NCOA2: variants seen among roughly 807,000 people sequenced by gnomAD.
NCOA2 encodes the protein nuclear receptor coactivator 2.
A neutral mutation model predicts 145.1 loss-of-function variants in NCOA2; 21 were observed. That is an observed-to-expected ratio of 0.14 (90% confidence interval 0.10 to 0.21). The LOEUF is 0.21. Ranked by LOEUF, NCOA2 falls within the 10% of genes least tolerant of loss-of-function variation. The probability of loss-of-function intolerance (pLI) is 1.00; values close to 1 mark genes in which losing one functional copy is unlikely to be tolerated. For missense variants in NCOA2, 1,472 were observed against 1,837.6 expected (o/e 0.80, Z 3.64); for synonymous variants, 619 against 637.5 (o/e 0.97, Z 0.44).
At chr8:70,168,143 T>C (rs1563559676) in intron 6 of NCOA2, among the ~76,000 whole-genome samples, 1 of 152,030 alleles carries the variant, frequency 6.6e-6, no homozygotes, top group Non-Finnish European at 1.5e-5. Context: ...GGCCCATGAA[T>C]GGCCCAGTGA....
At chr8:70,277,822 T>C (rs1306202023) in intron 2 of NCOA2, among the ~76,000 whole-genome samples, 2 of 152,214 alleles carry the variant, frequency 1.3e-5, no homozygotes, top group African/African-American at 4.8e-5. Context: ...TTTTGATGTA[T>C]TCCATATGCC....
chr8:70,300,724 G>A (rs1156918087), intron 1 of NCOA2, among the ~76,000 whole-genome samples: 4 of 152,198 alleles, frequency 2.6e-5, no homozygotes, highest in African/African-American at 9.6e-5. Context: ...AAAATGAAAT[G>A]ACAGCTGTAA....
intron 1 of NCOA2, among the ~76,000 whole-genome samples, chr8:70,368,633 A>C (rs535068828): frequency 6.6e-6 from 1 of 152,358 alleles, no homozygotes; most frequent in East Asian, 1.9e-4. Context: ...CTGTTTATTA[A>C]AACCTTTCAC....
intron 2 of NCOA2, among the ~76,000 whole-genome samples, chr8:70,246,976 C>A (rs181408348): frequency 6.6e-6 from 1 of 152,018 alleles, no homozygotes; most frequent in South Asian, 2.1e-4. Flanking sequence ...TTACAGATAC[C>A]AGAAGGGATT....
At chr8:70,141,449 T>C in intron 13 of NCOA2, 50 bp from the exon 14 acceptor site, 1 of 1,493,110 alleles carries the variant, frequency 6.7e-7, no homozygotes, top group Non-Finnish European at 9.2e-7. Flanking sequence ...GAAAACATAT[T>C]TAGCATGTAT....
intron 1 of NCOA2, among the ~76,000 whole-genome samples, chr8:70,336,234 G>C (rs1014606218): frequency 1.3e-5 from 2 of 152,116 alleles, no homozygotes; most frequent in Non-Finnish European, 2.9e-5. Context: ...GGCACTAGAT[G>C]ATAGGAATTT....
At chr8:70,393,762 C>T (rs1813414748) in intron 1 of NCOA2, among the ~76,000 whole-genome samples, 1 of 152,186 alleles carries the variant, frequency 6.6e-6, no homozygotes, top group African/African-American at 2.4e-5. Flanking sequence ...AATGTGTTTT[C>T]TTAAAGTGAA....
intron 1 of NCOA2, among the ~76,000 whole-genome samples, chr8:70,323,992 T>C (rs916006417): frequency 2.0e-5 from 3 of 152,186 alleles, no homozygotes; most frequent in Non-Finnish European, 4.4e-5. Context: ...TACCCATTAC[T>C]GGTCCCACAT....
At chr8:70,253,945 A>G (rs1823414226) in intron 2 of NCOA2, among the ~76,000 whole-genome samples, 1 of 152,214 alleles carries the variant, frequency 6.6e-6, no homozygotes, top group Non-Finnish European at 1.5e-5. Flanking sequence ...CTATCAACAC[A>G]GTGAAAAGGC....
At chr8:70,342,189 T>G (rs1171559481) in intron 1 of NCOA2, among the ~76,000 whole-genome samples, 1 of 152,196 alleles carries the variant, frequency 6.6e-6, no homozygotes, top group East Asian at 1.9e-4. Context: ...TGAATGACAT[T>G]AAAGTCCTCA....
At chr8:70,279,363 A>C (rs1164702506) in intron 2 of NCOA2, among the ~76,000 whole-genome samples, 1 of 152,132 alleles carries the variant, frequency 6.6e-6, no homozygotes, top group Admixed American at 6.5e-5. Flanking sequence ...GATCTAGTAC[A>C]ATCAATGGCA....
chr8:70,257,092 T>C (rs888794270), intron 2 of NCOA2, among the ~76,000 whole-genome samples: 4 of 152,102 alleles, frequency 2.6e-5, no homozygotes, highest in South Asian at 2.1e-4. Context: ...CTGAAGAAAA[T>C]AGGGCTCAGA....
In NCOA2 at chr8:70,186,575, C is replaced by T. The variant is rs551340669; in HGVS notation, c.260-11716G>A. On this transcript the variant is annotated intron_variant, in intron 4 of 22. Coordinates refer to ENST00000452400, the MANE Select transcript of NCOA2 (RefSeq NM_006540.4). ...TGTTACCTGGGACAGGTAAATTCTG[C>T]GAAGTAAAGTCTGGTAAAATAAAGG... Among the ~76,000 whole-genome samples the T allele has an allele frequency of 9.1e-4, 139 of 152,120 alleles. 1 individual carries two copies. Among genetic ancestry groups the T allele is most frequent in the African/African-American group, 3.0e-3 (125 of 41,488 alleles).
At chr8:70,426,860 A>G in the NCOA2 span, among the ~76,000 whole-genome samples, 2 of 152,308 alleles carry the variant, frequency 1.3e-5, no homozygotes, top group Non-Finnish European at 2.9e-5. Context: ...TGTCACTGTC[A>G]TAGCTCACTG....
At chr8:70,175,526 C>T (rs1330580639) in intron 4 of NCOA2, among the ~76,000 whole-genome samples, 2 of 152,210 alleles carry the variant, frequency 1.3e-5, no homozygotes, top group African/African-American at 4.8e-5. Context: ...TGGATGGAAA[C>T]GTGCAAGGCA....
chr8:70,442,013 GGAA>G, the NCOA2 span, among the ~76,000 whole-genome samples: 1 of 71,330 alleles, frequency 1.4e-5, no homozygotes, highest in African/African-American at 4.4e-5. Context: ...AAGAAATAAA[GGAA>G]AGAAAGAAAG....
At chr8:70,256,138 C>A (rs1382550428) in intron 2 of NCOA2, among the ~76,000 whole-genome samples, 7 of 152,178 alleles carry the variant, frequency 4.6e-5, no homozygotes, top group African/African-American at 1.7e-4. Flanking sequence ...AGAAAACCTT[C>A]CCTAGCAAGA....
rs912554049 is a variant in NCOA2, at chr8:70,112,380, T to G, written c.*1252A>C. ...AAAACACATAAGTTCTCAACTTAAA[T>G]TATTGCTTGTTTACATATAAATTGG... is the stretch of plus-strand genomic sequence containing the variant. On this transcript the variant is annotated 3_prime_UTR_variant, in exon 23 of 23. Transcript: ENST00000452400. 5.2e-6 allele frequency: 1 copy of G among 192,986 alleles called. No homozygotes were observed. The highest frequency in any genetic ancestry group is 1.1e-5 in the Non-Finnish European group (1 of 92,236). 12.0% of individuals were successfully genotyped at this position (192,986 alleles called of 1,614,324 possible).
At chr8:70,213,091 CACCAAAAAAAAAAAA>C (rs1490180390) in intron 4 of NCOA2, among the ~76,000 whole-genome samples, 6 of 114,878 alleles carry the variant, frequency 5.2e-5, no homozygotes, top group Non-Finnish European at 9.0e-5. Context: ...TCAAAAAAAA[CACCAAAAAAAAAAAA>C]AAAAAACCAC....
Sources: allele counts gnomAD v4.1 joint callset (sites outside exome capture counted in the v4.1 genomes callset), GRCh38; gene constraint gnomAD v4.1.1; transcripts MANE v1.5; gene names NCBI Gene and HGNC (gene_info 2026-07-23, HGNC 2026-07-21).